Variants in NBAS observed in about 807,000 individuals in gnomAD.
NBAS encodes NAG/BC035112 fusion.
Under a neutral mutation model 302.5 loss-of-function variants are expected in NBAS, and 219 were observed. The observed-to-expected ratio is 0.72, with a 90% CI of 0.65 to 0.81. The LOEUF (loss-of-function observed/expected upper bound fraction) is 0.81, where lower values mean the gene tolerates loss of function less well. Among genes scored for constraint, NBAS ranks in the 30% least tolerant of loss-of-function variants. The pLI is 0.00. For missense variants in NBAS, 2,932 were observed against 2,841.6 expected (o/e 1.03, Z -0.72); for synonymous variants, 1,118 against 1,021.6 (o/e 1.09, Z -1.80).
chr2:15,381,509 A>T (rs1675032708), intron 29 of NBAS, among the ~76,000 whole-genome samples: 1 of 151,864 alleles, frequency 6.6e-6, no homozygotes, highest in African/African-American at 2.4e-5. Flanking sequence ...AATGTAATAT[A>T]ATAAGTTGTT....
At chr2:14,787,763 T>C in the NBAS span, among the ~76,000 whole-genome samples, 1 of 152,250 alleles carries the variant, frequency 6.6e-6, no homozygotes, top group African/African-American at 2.4e-5. Context: ...TATTTTTTCC[T>C]TCATTTCAAC....
Position 15,232,404 on chromosome 2 carries a change from A to C in NBAS, c.6236+18T>G. 6.2e-7 allele frequency: 1 copy of C among 1,609,730 alleles called. No homozygotes were observed. On this transcript the variant is annotated intron_variant, in intron 47 of 51. Coordinates refer to ENST00000281513, the MANE Select transcript of NBAS (RefSeq NM_015909.4). ...GGAAAGCCAGTTAATGAAGATGCAC[A>C]TACTGTTCTAGTCTTACCCCTTGTC...
intron 48 of NBAS, among the ~76,000 whole-genome samples, chr2:15,202,450 A>G (rs2147834001): frequency 6.6e-6 from 1 of 152,196 alleles, no homozygotes; most frequent in Non-Finnish European, 1.5e-5. Context: ...TGCCTTATAA[A>G]TTTTTTCTCT....
intron 9 of NBAS, among the ~76,000 whole-genome samples, chr2:15,515,801 G>C (rs1572955790): frequency 6.6e-6 from 1 of 152,136 alleles, no homozygotes; most frequent in Admixed American, 6.5e-5. Context: ...CCAGTCAATG[G>C]AAGAGAAGAG....
intron 44 of NBAS, among the ~76,000 whole-genome samples, chr2:15,271,537 T>C (rs1669324363): frequency 6.6e-6 from 1 of 152,132 alleles, no homozygotes; most frequent in Non-Finnish European, 1.5e-5. Flanking sequence ...TGAGTAACAC[T>C]GGGCAAGGTA....
intron 20 of NBAS, 22 bp from the exon 21 acceptor site, chr2:15,461,359 A>C (rs1172746793): frequency 1.2e-6 from 2 of 1,607,678 alleles, no homozygotes; most frequent in Admixed American, 3.3e-5. Context: ...GCAAGGGGTA[A>C]GTTTCTAATG....
chr2:15,448,244 C>T (rs558271146), intron 21 of NBAS, among the ~76,000 whole-genome samples: 2 of 152,284 alleles, frequency 1.3e-5, no homozygotes, highest in East Asian at 3.9e-4. Context: ...AATTAAAAGA[C>T]ATCTATAATA....
chr2:14,783,172 T>C, the NBAS span, among the ~76,000 whole-genome samples: 1 of 152,114 alleles, frequency 6.6e-6, no homozygotes, highest in Non-Finnish European at 1.5e-5. Context: ...ACATTCAATC[T>C]GATAATGAAA....
chr2:14,986,081 G>A, the NBAS span, among the ~76,000 whole-genome samples: 4 of 152,042 alleles, frequency 2.6e-5, no homozygotes, highest in African/African-American at 9.7e-5. Context: ...TGTAAATTGT[G>A]GATGTTAATC....
chr2:15,242,985 G>A (rs1434242685), intron 44 of NBAS, among the ~76,000 whole-genome samples: 1 of 152,040 alleles, frequency 6.6e-6, no homozygotes, highest in East Asian at 1.9e-4. Context: ...GTGAGAAGGG[G>A]GTGGAGGGAC....
chr2:14,997,506 T>A, the NBAS span, among the ~76,000 whole-genome samples: 2 of 151,316 alleles, frequency 1.3e-5, no homozygotes, highest in Non-Finnish European at 2.9e-5. Flanking sequence ...AACTGACAAA[T>A]AAAACTATAA....
At chr2:15,321,693 T>A (rs1671813943) in intron 38 of NBAS, among the ~76,000 whole-genome samples, 1 of 152,086 alleles carries the variant, frequency 6.6e-6, no homozygotes, top group African/African-American at 2.4e-5. Flanking sequence ...CACAATGAGA[T>A]ACCATCTCAT....
At chr2:15,298,817 C>T (rs1267475502) in intron 40 of NBAS, among the ~76,000 whole-genome samples, 1 of 152,160 alleles carries the variant, frequency 6.6e-6, no homozygotes, top group African/African-American at 2.4e-5. Flanking sequence ...ACCCTCCTAT[C>T]AAGCTGGGGA....
intron 47 of NBAS, among the ~76,000 whole-genome samples, chr2:15,231,071 G>T (rs566283313): frequency 6.6e-6 from 1 of 152,180 alleles, no homozygotes; most frequent in African/African-American, 2.4e-5. Context: ...AGGCCAGATC[G>T]TCTCCCGCGC....
At chr2:15,126,473 G>A in the NBAS span, among the ~76,000 whole-genome samples, 2 of 152,180 alleles carry the variant, frequency 1.3e-5, no homozygotes, top group Admixed American at 6.5e-5. Flanking sequence ...TATCATGCCA[G>A]CTACCTCTCA....
At chr2:14,788,999 C>T in the NBAS span, among the ~76,000 whole-genome samples, 9 of 152,244 alleles carry the variant, frequency 5.9e-5, no homozygotes, top group Non-Finnish European at 1.2e-4. Context: ...TTGGAGCTTC[C>T]TGGCTGCTTT....
the NBAS span, among the ~76,000 whole-genome samples, chr2:14,903,922 G>GA: frequency 6.6e-6 from 1 of 152,168 alleles, no homozygotes; most frequent in Non-Finnish European, 1.5e-5. Context: ...GAGGGCAATG[G>GA]AAAGAGGAGA....
At chr2:14,882,952 C>A in the NBAS span, among the ~76,000 whole-genome samples, 1,488 of 152,266 alleles carry the variant, frequency 9.8e-3, 36 homozygotes, top group African/African-American at 0.034. Context: ...TTATTGTTTA[C>A]ATGAACCACT....
chr2:15,561,288 G>C lies in NBAS; in HGVS notation c.17C>G (p.Ser6Ter). 6.2e-7 allele frequency: 1 copy of C among 1,613,390 alleles called. No individual in the cohort carries two copies. Among genetic ancestry groups the C allele is most frequent in the Non-Finnish European group, 8.5e-7 (1 of 1,180,012 alleles). Residue 6 changes from serine to a stop codon, truncating the protein, a stop_gained, in exon 1 of 52, where the codon TCA becomes TGA. Coordinates refer to ENST00000281513, the MANE Select transcript of NBAS (RefSeq NM_015909.4). LOFTEE classifies it high-confidence loss of function. MAAPE[S>*]GPALSPGTAE... The stretch of plus-strand genomic sequence containing the variant: ...AGTGCCTGGACTCAAAGCCGGCCCT[G>C]ACTCGGGGGCCGCCATGTTCGCCGA...
Sources: gnomAD v4.1 joint callset for allele counts (sites outside exome capture counted in the v4.1 genomes callset) on GRCh38, gnomAD v4.1.1 for gene constraint, MANE v1.5 for transcripts, NCBI Gene and HGNC (gene_info 2026-07-23, HGNC 2026-07-21) for gene names.